RHBDL3: variants seen among roughly 807,000 people sequenced by gnomAD.
The protein encoded by RHBDL3 is rhomboid like 3.
A neutral mutation model predicts 48.2 loss-of-function variants in RHBDL3; 28 were observed. The ratio of observed to expected loss-of-function variants is 0.58; its 90% CI spans 0.43 to 0.80. The LOEUF is 0.80. RHBDL3 is among the 30% of genes least tolerant of loss of function. The probability of loss-of-function intolerance (pLI) is 0.00; values close to 1 mark genes in which losing one functional copy is unlikely to be tolerated. For synonymous variants in RHBDL3, 208 were observed against 232.3 expected (o/e 0.90, Z 0.95); for missense variants, 464 against 542.7 (o/e 0.85, Z 1.44).
In RHBDL3 at chr17:32,296,254, A is replaced by G. The variant is rs558257658; in HGVS notation, c.668+1812A>G. On this transcript the variant is annotated intron_variant, in intron 5 of 8. Transcript: ENST00000269051. The stretch of plus-strand genomic sequence containing the variant: ...AGAGACTCCATCTCAAAAAAAAAAA[A>G]AAAAGAAAAAAGAAAAAAAACAGAA... Among the ~76,000 whole-genome samples the G allele has an allele frequency of 7.3e-5, 11 of 151,276 alleles. No homozygotes were observed. In the South Asian group the frequency reaches 2.1e-3, roughly 29 times the overall value.
At chr17:32,271,537 C>G (rs943207467) in intron 2 of RHBDL3, among the ~76,000 whole-genome samples, 2 of 152,124 alleles carry the variant, frequency 1.3e-5, no homozygotes, top group African/African-American at 4.8e-5. Context: ...AGTCAAAGGC[C>G]AAATAGCGGG....
intron 7 of RHBDL3, among the ~76,000 whole-genome samples, chr17:32,306,219 C>A (rs1429122050): frequency 1.3e-5 from 2 of 151,320 alleles, no homozygotes; most frequent in Non-Finnish European, 2.9e-5. Context: ...GTCAAGAGAT[C>A]GAGACCATCC....
At chr17:32,295,476 G>A (rs56758295) in intron 5 of RHBDL3, among the ~76,000 whole-genome samples, 2,508 of 152,324 alleles carry the variant, frequency 0.016, 76 homozygotes, top group African/African-American at 0.056. Flanking sequence ...AAGGAGCAGC[G>A]GGATGGCTGT....
intron 6 of RHBDL3, 68 bp downstream of exon 6, chr17:32,298,272 C>T (rs952440747): frequency 3.6e-5 from 36 of 1,010,982 alleles, no homozygotes; most frequent in Middle Eastern, 5.4e-4. Flanking sequence ...CCCTGTGGGG[C>T]GGGGCAAGCC....
chr17:32,302,442 T>C (rs944432402), intron 6 of RHBDL3, among the ~76,000 whole-genome samples: 2 of 151,998 alleles, frequency 1.3e-5, no homozygotes, highest in African/African-American at 4.8e-5. Flanking sequence ...CTGCAACCTC[T>C]GCCTCCCAGG....
At position 32,324,012 on chromosome 17, in the gene RHBDL3, C is replaced by G. The variant is rs974903119; in HGVS notation, c.*2783C>G. ...GTGTCCTCTGTGCCTCTTTCCTTGT[C>G]TGAGGTGGCTGCCAGCCCAGGGGGT... On this transcript the variant is annotated 3_prime_UTR_variant, in exon 9 of 9. Coordinates refer to ENST00000269051, the MANE Select transcript of RHBDL3 (RefSeq NM_138328.3). 6.6e-6 allele frequency: 1 copy of G among 152,418 alleles called. No homozygotes were observed. The highest frequency in any genetic ancestry group is 2.4e-5 in the African/African-American group (1 of 41,454). 9.4% of individuals were successfully genotyped at this position (152,418 alleles called of 1,614,324 possible). A position where few individuals can be genotyped will look rare whatever the true frequency, so the allele number is the denominator to read the frequency against.
intron 5 of RHBDL3, among the ~76,000 whole-genome samples, chr17:32,294,779 A>G (rs1043696262): frequency 1.6e-4 from 22 of 139,354 alleles, no homozygotes; most frequent in Admixed American, 1.5e-3. Flanking sequence ...TTTGGCCACT[A>G]GAGCAAAAAG....
rs530721040 is a variant in RHBDL3, at chr17:32,266,270, C to T, written c.81C>T (p.Ala27=). ...GCATCGAGGAGCTGGAACCCGAGGC[C>T]GAGGAGCGGCTGCCCGCGGCGCCGG... ...AERIEELEPE[A]EERLPAAPED... The change falls in exon 1 of 9, where the codon GCC becomes GCT. Residue 27 remains alanine (A), a synonymous_variant. Coordinates refer to ENST00000269051, the MANE Select transcript of RHBDL3 (RefSeq NM_138328.3). The T allele has an allele frequency of 2.9e-5, 42 of 1,468,248 alleles. 1 individual carries two copies. The East Asian group carries it at 7.9e-4, about 27-fold the overall frequency. The allele number at this position is 1,468,248 out of a possible 1,614,324, so 91.0% of individuals were successfully genotyped here.
At chr17:32,267,946 C>T (rs776421588) in intron 2 of RHBDL3, 21 bp downstream of exon 2, 2 of 1,568,494 alleles carry the variant, frequency 1.3e-6, no homozygotes, top group African/African-American at 2.7e-5. Context: ...AGTTAACCCC[C>T]CATTTCCTTC....
chr17:32,275,700 C>T lies in RHBDL3; in HGVS notation c.135+7775C>T, dbSNP rs796444319. On this transcript the variant is annotated intron_variant, in intron 2 of 8. Coordinates refer to ENST00000269051, the MANE Select transcript of RHBDL3 (RefSeq NM_138328.3). Reference sequence around the variant, plus strand: ...AGCCTGGCTGCCCCATCCTAGGATTCGGCTGTTCGACTTTGGGCAAGGGGG... The same window carrying T: ...AGCCTGGCTGCCCCATCCTAGGATTTGGCTGTTCGACTTTGGGCAAGGGGG... 7.9e-5 allele frequency among the ~76,000 whole-genome samples: 12 copies of T among 152,304 alleles called. 1 individual carries two copies. The highest frequency in any genetic ancestry group is 2.6e-4 in the African/African-American group (11 of 41,576).
At chr17:32,274,410 C>T (rs2039846727) in intron 2 of RHBDL3, among the ~76,000 whole-genome samples, 1 of 152,236 alleles carries the variant, frequency 6.6e-6, no homozygotes, top group Non-Finnish European at 1.5e-5. Context: ...TCACCATTCC[C>T]CAGGCTTTTG....
At chr17:32,278,804 G>A (rs2039974058) in intron 2 of RHBDL3, among the ~76,000 whole-genome samples, 2 of 152,134 alleles carry the variant, frequency 1.3e-5, no homozygotes, top group African/African-American at 4.8e-5. Flanking sequence ...ACCAAGTTAG[G>A]ACACTTTGAG....
At chr17:32,302,482 G>A (rs1021014438) in intron 6 of RHBDL3, among the ~76,000 whole-genome samples, 4 of 151,814 alleles carry the variant, frequency 2.6e-5, no homozygotes, top group South Asian at 2.1e-4. Flanking sequence ...TCAGCATTCC[G>A]AGTAGCTGGG....
intron 1 of RHBDL3, 52 bp downstream of exon 1, chr17:32,266,352 A>T: frequency 1.0e-6 from 1 of 994,900 alleles, no homozygotes; most frequent in Non-Finnish European, 1.4e-6. Flanking sequence ...CCGGGGGGAA[A>T]AGCCGCCCCT....
chr17:32,277,809 C>T (rs888966603), intron 2 of RHBDL3, among the ~76,000 whole-genome samples: 13 of 152,234 alleles, frequency 8.5e-5, no homozygotes, highest in East Asian at 1.9e-4. Flanking sequence ...AAAAATACTA[C>T]GACCAAAGGT....
intron 2 of RHBDL3, among the ~76,000 whole-genome samples, chr17:32,278,447 A>G (rs71377425): frequency 6.6e-6 from 1 of 152,152 alleles, no homozygotes; most frequent in Non-Finnish European, 1.5e-5. Flanking sequence ...GACCTGGACT[A>G]GTTTATTTTG....
At position 32,324,614 on chromosome 17, in the gene RHBDL3, A is replaced by G. The variant is rs1252353625; in HGVS notation, c.*3385A>G. On this transcript the variant is annotated 3_prime_UTR_variant, in exon 9 of 9. Coordinates refer to ENST00000269051, the MANE Select transcript of RHBDL3 (RefSeq NM_138328.3). ...ATTCTGTATATTTTTGTTGTAACAT[A>G]TTATTTGAGCACAGATTCCATTAAA... The G allele has an allele frequency of 6.6e-6, 1 of 152,150 alleles. No individual in the cohort carries two copies. Among genetic ancestry groups the G allele is most frequent in the African/African-American group, 2.4e-5 (1 of 41,444 alleles). The allele number at this position is 152,150 out of a possible 1,614,324, so 9.4% of individuals were successfully genotyped here. A position where few individuals can be genotyped will look rare whatever the true frequency, so the allele number is the denominator to read the frequency against.
chr17:32,300,027 G>A (rs892027058), intron 6 of RHBDL3, among the ~76,000 whole-genome samples: 2 of 152,146 alleles, frequency 1.3e-5, no homozygotes, highest in African/African-American at 2.4e-5. Context: ...TATGCAGGCC[G>A]TAATTCATCC....
At chr17:32,285,560 G>GAA (rs2040179290) in intron 3 of RHBDL3, among the ~76,000 whole-genome samples, 1 of 152,204 alleles carries the variant, frequency 6.6e-6, no homozygotes, top group East Asian at 1.9e-4. Context: ...CTGAGGGTTA[G>GAA]TGCTGCGCTA....
Sources: gnomAD v4.1 joint callset for allele counts (sites outside exome capture counted in the v4.1 genomes callset) on GRCh38, gnomAD v4.1.1 for gene constraint, MANE v1.5 for transcripts, NCBI Gene and HGNC (gene_info 2026-07-23, HGNC 2026-07-21) for gene names.